GALNTL6: variants seen among roughly 807,000 people sequenced by gnomAD.
GALNTL6 encodes polypeptide N-acetylgalactosaminyltransferase like 6.
A neutral mutation model predicts 73.7 loss-of-function variants in GALNTL6; 46 were observed. The ratio of observed to expected loss-of-function variants is 0.62; its 90% CI spans 0.49 to 0.80. The LOEUF is 0.80. Among genes scored for constraint, GALNTL6 ranks in the 30% least tolerant of loss-of-function variants. The pLI is 0.00. For synonymous variants in GALNTL6, 259 were observed against 263.7 expected (o/e 0.98, Z 0.17); for missense variants, 604 against 755.0 (o/e 0.80, Z 2.34).
In GALNTL6 at chr4:172,279,833, C is replaced by A. The variant is rs561603321; in HGVS notation, c.248-31781C>A. Reference sequence around the variant, plus strand: ...AGAGTTGTGGAAGCAATAAAAATATCCATGAAAGGATAAATGTATTAAAAA... The same window carrying A: ...AGAGTTGTGGAAGCAATAAAAATATACATGAAAGGATAAATGTATTAAAAA... On this transcript the variant is annotated intron_variant, in intron 3 of 12. Transcript: ENST00000506823. Among the ~76,000 whole-genome samples, 41 of 152,118 alleles carry A rather than the reference C, an allele frequency of 2.7e-4. 1 individual carries two copies. In the South Asian group the frequency reaches 7.9e-3, roughly 29 times the overall value.
At chr4:172,444,005 C>A (rs1488097077) in intron 5 of GALNTL6, among the ~76,000 whole-genome samples, 1 of 152,088 alleles carries the variant, frequency 6.6e-6, no homozygotes, top group African/African-American at 2.4e-5. Flanking sequence ...TTTAGAGGGA[C>A]AAAACCAGTT....
intron 3 of GALNTL6, among the ~76,000 whole-genome samples, chr4:172,241,369 G>A (rs1420503188): frequency 2.0e-5 from 3 of 152,298 alleles, no homozygotes; most frequent in South Asian, 2.1e-4. Flanking sequence ...TTGAGGAAAT[G>A]GAGATTTCTT....
intron 4 of GALNTL6, among the ~76,000 whole-genome samples, chr4:172,338,658 A>T: frequency 6.6e-6 from 1 of 152,046 alleles, no homozygotes; most frequent in East Asian, 1.9e-4. Context: ...ATATATTTGA[A>T]CCTTGTTTAC....
chr4:172,735,634 G>T (rs1298092807), intron 5 of GALNTL6, among the ~76,000 whole-genome samples: 1 of 152,208 alleles, frequency 6.6e-6, no homozygotes, highest in Middle Eastern at 3.4e-3. Flanking sequence ...TTTGGGAGGG[G>T]CCCAGGGTGG....
At position 172,898,716 on chromosome 4, in the gene GALNTL6, G is replaced by T. The variant is rs116376653; in HGVS notation, c.1041+15809G>T. On this transcript the variant is annotated intron_variant, in intron 8 of 12. Transcript: ENST00000506823. ...TGCATAAAAAGCAAATGATAAAACT[G>T]ATTTTATTAAACTGTAACAGCTATA... 2.6e-3 allele frequency among the ~76,000 whole-genome samples: 391 copies of T among 152,262 alleles called. 1 individual carries two copies. Among genetic ancestry groups the T allele is most frequent in the African/African-American group, 9.1e-3 (379 of 41,550 alleles).
At chr4:172,907,322 G>T (rs961720059) in intron 8 of GALNTL6, among the ~76,000 whole-genome samples, 10 of 151,986 alleles carry the variant, frequency 6.6e-5, no homozygotes, top group Non-Finnish European at 1.2e-4. Context: ...GAAAGTGATG[G>T]TATATTTTAT....
chr4:172,324,029 G>A (rs1476753013), intron 4 of GALNTL6, among the ~76,000 whole-genome samples: 1 of 151,910 alleles, frequency 6.6e-6, no homozygotes, highest in Non-Finnish European at 1.5e-5. Context: ...TTTAGACTAT[G>A]AGCCATAAAG....
chr4:172,315,772 G>A (rs572443676), intron 4 of GALNTL6, among the ~76,000 whole-genome samples: 5 of 151,836 alleles, frequency 3.3e-5, no homozygotes, highest in Admixed American at 1.3e-4. Context: ...TGGATATCTC[G>A]GTGGCCTGGT....
intron 2 of GALNTL6, among the ~76,000 whole-genome samples, chr4:171,928,920 A>T (rs149441558): frequency 6.6e-6 from 1 of 152,236 alleles, no homozygotes; most frequent in Non-Finnish European, 1.5e-5. Flanking sequence ...ATTTCCCAGA[A>T]TGTATTCCCA....
intron 5 of GALNTL6, among the ~76,000 whole-genome samples, chr4:172,539,254 C>T (rs568831843): frequency 3.9e-4 from 59 of 152,250 alleles, no homozygotes; most frequent in African/African-American, 1.4e-3. Context: ...TTAGCATCAC[C>T]GTTAGCGTTG....
rs116044823 is a variant in GALNTL6 at position 172,648,963 on chromosome 4, G to C, written c.554-160398G>C. 5.6e-3 allele frequency among the ~76,000 whole-genome samples: 858 copies of C among 152,200 alleles called. 3 individuals carry two copies. Among genetic ancestry groups the C allele is most frequent in the Non-Finnish European group, 9.8e-3 (666 of 67,996 alleles). ...GATTTGCATTTGACAACTACACTTAGTTCAGATGGCTGAAGGAGATTAAAA... is the reference window on the plus strand; with the variant it reads ...GATTTGCATTTGACAACTACACTTACTTCAGATGGCTGAAGGAGATTAAAA... On this transcript the variant is annotated intron_variant, in intron 5 of 12. Transcript: ENST00000506823.
rs150108906 is a variant in GALNTL6 at position 172,793,295 on chromosome 4, T to G, written c.554-16066T>G. 2.4e-3 allele frequency among the ~76,000 whole-genome samples: 367 copies of G among 152,310 alleles called. 2 individuals are homozygous for G. Among genetic ancestry groups the G allele is most frequent in the Middle Eastern group, 6.8e-3 (2 of 294 alleles). On this transcript the variant is annotated intron_variant, in intron 5 of 12. Coordinates refer to ENST00000506823, the MANE Select transcript of GALNTL6 (RefSeq NM_001034845.3). ...TAGTCTCAGACTCAAAAATAGGGAT[T>G]TGATCTAGCACAAGTTTTCAGAGTC... is the stretch of plus-strand genomic sequence containing the variant.
intron 5 of GALNTL6, among the ~76,000 whole-genome samples, chr4:172,463,744 C>A (rs1732698821): frequency 6.6e-6 from 1 of 152,128 alleles, no homozygotes; most frequent in South Asian, 2.1e-4. Flanking sequence ...CTAATTTAGT[C>A]AATGAAATTA....
At position 171,904,310 on chromosome 4, in the gene GALNTL6, G is replaced by T. The variant is rs1014033062; in HGVS notation, c.138+89592G>T. Among the ~76,000 whole-genome samples, 13 of 152,178 alleles carry T rather than the reference G, an allele frequency of 8.5e-5. No individual in the cohort carries two copies. The South Asian group carries it at 1.9e-3, about 22-fold the overall frequency. ...AGAGAAGTGCTTAAAGGAGCTGATG[G>T]AGCTGAAAACCAAGGCTCGAGAACT... On this transcript the variant is annotated intron_variant, in intron 2 of 12. Transcript: ENST00000506823.
At position 172,507,822 on chromosome 4, in the gene GALNTL6, G is replaced by T. The variant is rs1317582436; in HGVS notation, c.553+159133G>T. Among the ~76,000 whole-genome samples the T allele has an allele frequency of 5.5e-5, 3 of 54,830 alleles. 1 individual carries two copies. Among genetic ancestry groups the T allele is most frequent in the Non-Finnish European group, 1.3e-4 (3 of 23,834 alleles). The allele number at this position is 54,830 out of a possible 152,430, so 36.0% of individuals were successfully genotyped here. On this transcript the variant is annotated intron_variant, in intron 5 of 12. Coordinates refer to ENST00000506823, the MANE Select transcript of GALNTL6 (RefSeq NM_001034845.3). ...CAGCAAATTGCTTGGTACATAATAG[G>T]CCCTCAATAAATATTTTTTAAATGA...
intron 2 of GALNTL6, among the ~76,000 whole-genome samples, chr4:172,002,736 G>C (rs2110762330): frequency 6.6e-6 from 1 of 152,242 alleles, no homozygotes; most frequent in South Asian, 2.1e-4. Flanking sequence ...GGTCCTGATT[G>C]AGTGATGGGT....
At chr4:171,977,404 T>C (rs1739753741) in intron 2 of GALNTL6, among the ~76,000 whole-genome samples, 1 of 152,208 alleles carries the variant, frequency 6.6e-6, no homozygotes, top group South Asian at 2.1e-4. Context: ...AATTTTATTC[T>C]TTCACAGTTC....
chr4:172,096,084 C>CTGTGTG (rs138495979), intron 2 of GALNTL6, among the ~76,000 whole-genome samples: 4,646 of 146,528 alleles, frequency 0.032, 76 homozygotes, highest in Middle Eastern at 0.059. Context: ...CTCTCTCTTT[C>CTGTGTG]TGTGTGTGTG....
At chr4:172,888,899 A>T (rs1369081170) in intron 8 of GALNTL6, among the ~76,000 whole-genome samples, 7 of 150,652 alleles carry the variant, frequency 4.6e-5, no homozygotes, top group Non-Finnish European at 7.4e-5. Context: ...GAGCATGGAA[A>T]TTTTTTTTTT....
Sources: allele counts gnomAD v4.1 joint callset (sites outside exome capture counted in the v4.1 genomes callset), GRCh38; gene constraint gnomAD v4.1.1; transcripts MANE v1.5; gene names NCBI Gene and HGNC (gene_info 2026-07-23, HGNC 2026-07-21).